Variants in PCDH11X observed in about 807,000 individuals in gnomAD.
PCDH11X encodes protocadherin 11 X-linked.
A neutral mutation model predicts 53.3 loss-of-function variants in PCDH11X; 18 were observed. The ratio of observed to expected loss-of-function variants is 0.34; its 90% confidence interval spans 0.23 to 0.50. PCDH11X has a LOEUF of 0.50. PCDH11X is among the 20% of genes least tolerant of loss of function. PCDH11X has a pLI of 0.98. For missense variants in PCDH11X, 570 were observed against 1,032.4 expected (o/e 0.55, Z 6.14); for synonymous variants, 279 against 393.3 (o/e 0.71, Z 3.44).
chrX:92,154,116 A>C (rs2065485991), intron 6 of PCDH11X, among the ~76,000 whole-genome samples: 1 of 110,066 alleles, frequency 9.1e-6, no homozygotes, highest in African/African-American at 3.3e-5. Flanking sequence ...CTCTGCTGTG[A>C]TGAGGTGTGT....
chrX:91,893,349 T>A (rs1277776538), intron 6 of PCDH11X, among the ~76,000 whole-genome samples: 1 of 96,521 alleles, frequency 1.0e-5, no homozygotes, highest in African/African-American at 4.0e-5. Flanking sequence ...AGAACCGCAT[T>A]TTTTTTTTTT....
chrX:92,596,173 G>A (rs1925576371), intron 10 of PCDH11X, among the ~76,000 whole-genome samples: 1 of 112,328 alleles, frequency 8.9e-6, no homozygotes, highest in African/African-American at 3.2e-5. Context: ...TATTAGAACT[G>A]TGGGTGAGAA....
At chrX:92,120,441 C>T (rs1460590314) in intron 6 of PCDH11X, among the ~76,000 whole-genome samples, 7 of 112,603 alleles carry the variant, frequency 6.2e-5, no homozygotes, top group African/African-American at 1.9e-4. Context: ...TACAGGCGTG[C>T]GCCACCGCGC....
intron 10 of PCDH11X, among the ~76,000 whole-genome samples, chrX:92,568,505 A>C (rs1921793364): frequency 9.2e-6 from 1 of 108,890 alleles, no homozygotes; most frequent in South Asian, 4.0e-4. Context: ...CTTAACAATA[A>C]AGCAAATTTC....
chrX:92,115,241 C>G (rs2064613798), intron 6 of PCDH11X, among the ~76,000 whole-genome samples: 1 of 110,658 alleles, frequency 9.0e-6, no homozygotes, highest in Admixed American at 9.8e-5. Flanking sequence ...TTGCAGTTAT[C>G]TATGTAGACT....
intron 9 of PCDH11X, among the ~76,000 whole-genome samples, chrX:92,446,771 G>A (rs186826935): frequency 2.1e-4 from 24 of 111,674 alleles, no homozygotes; most frequent in African/African-American, 5.9e-4. Flanking sequence ...GGTGACTTTC[G>A]AGCTGGGTAA....
chrX:92,201,519 A>G, intron 7 of PCDH11X, 64 bp downstream of exon 7: 1 of 703,183 alleles, frequency 1.4e-6, no homozygotes, highest in Non-Finnish European at 2.1e-6. Context: ...TAAATGTATA[A>G]GGAATACTCT....
chrX:92,090,948 G>C (rs771109107), intron 6 of PCDH11X, among the ~76,000 whole-genome samples: 1 of 112,172 alleles, frequency 8.9e-6, no homozygotes, highest in Admixed American at 9.5e-5. Context: ...TCCATCAACT[G>C]GAGCAGTAAG....
chrX:92,107,507 C>A (rs914259476), intron 6 of PCDH11X, among the ~76,000 whole-genome samples: 1 of 111,807 alleles, frequency 8.9e-6, no homozygotes, highest in Non-Finnish European at 1.9e-5. Context: ...GAGGCAGAGG[C>A]GGGCTGATCA....
In PCDH11X at chrX:92,031,194, T is replaced by A. The variant is rs183752375; in HGVS notation, c.3033+151921T>A. Among the ~76,000 whole-genome samples, 3 of 111,139 alleles carry A rather than the reference T, an allele frequency of 2.7e-5. No homozygotes were observed. The East Asian group carries it at 8.5e-4, about 32-fold the overall frequency. On this transcript the variant is annotated intron_variant, in intron 6 of 10. Coordinates refer to ENST00000682573, the MANE Select transcript of PCDH11X (RefSeq NM_032968.5). Reference sequence around the variant, plus strand: ...TTTCCTTTTAATTGGGGTGACATTATATCTCATTGTAGTTTTGATTTACAT... The same window carrying A: ...TTTCCTTTTAATTGGGGTGACATTAAATCTCATTGTAGTTTTGATTTACAT...
chrX:92,053,635 A>G (rs2063398523), intron 6 of PCDH11X, among the ~76,000 whole-genome samples: 1 of 106,765 alleles, frequency 9.4e-6, no homozygotes, highest in African/African-American at 3.4e-5. Flanking sequence ...CAGTGGCACA[A>G]TCTCGGCTCA....
intron 7 of PCDH11X, among the ~76,000 whole-genome samples, chrX:92,250,619 A>T (rs1213100554): frequency 9.4e-6 from 1 of 106,499 alleles, no homozygotes; most frequent in Non-Finnish European, 1.9e-5. Context: ...ATAAAATAAT[A>T]TGTATAAAAA....
intron 1 of PCDH11X, among the ~76,000 whole-genome samples, chrX:91,792,339 T>G (rs1935584394): frequency 8.9e-6 from 1 of 111,795 alleles, no homozygotes; most frequent in Admixed American, 9.5e-5. Flanking sequence ...AATAATGATG[T>G]CAGAGTATTC....
chrX:91,804,088 T>C (rs1406545946), intron 1 of PCDH11X, among the ~76,000 whole-genome samples: 2 of 112,214 alleles, frequency 1.8e-5, no homozygotes, highest in African/African-American at 6.5e-5. Flanking sequence ...ATAAAGAATA[T>C]TGTTTCTTAA....
chrX:91,834,983 T>C (rs1442689727), intron 4 of PCDH11X: 35 of 757,715 alleles, frequency 4.6e-5, no homozygotes, highest in Non-Finnish European at 5.5e-5. Context: ...TTTTTCACTT[T>C]GATGCCCAGA....
chrX:92,326,361 C>A (rs2069329908), intron 8 of PCDH11X, among the ~76,000 whole-genome samples: 1 of 105,074 alleles, frequency 9.5e-6, no homozygotes, highest in African/African-American at 3.5e-5. Flanking sequence ...TATGACCTGG[C>A]ATTGAAATTC....
chrX:91,962,836 A>G (rs892439444), intron 6 of PCDH11X, among the ~76,000 whole-genome samples: 4 of 111,206 alleles, frequency 3.6e-5, no homozygotes, highest in African/African-American at 1.3e-4. Context: ...TGCAGGCCTA[A>G]CATTATGTGT....
At chrX:91,844,213 A>T in intron 5 of PCDH11X, among the ~76,000 whole-genome samples, 1 of 111,487 alleles carries the variant, frequency 9.0e-6, no homozygotes, top group Non-Finnish European at 1.9e-5. Flanking sequence ...TACATGTTTT[A>T]TGTATGTATA....
intron 6 of PCDH11X, among the ~76,000 whole-genome samples, chrX:92,028,956 C>A (rs1389277221): frequency 1.8e-5 from 2 of 109,605 alleles, no homozygotes; most frequent in East Asian, 5.8e-4. Context: ...GAATCAATGA[C>A]CCATCATGAG....
Sources: gnomAD v4.1 joint callset for allele counts (sites outside exome capture counted in the v4.1 genomes callset) on GRCh38, gnomAD v4.1.1 for gene constraint, MANE v1.5 for transcripts, NCBI Gene and HGNC (gene_info 2026-07-23, HGNC 2026-07-21) for gene names.